E4F1: variants seen among roughly 807,000 people sequenced by gnomAD.
The protein encoded by E4F1 is transcription factor E4F1.
Under a neutral mutation model 72.9 loss-of-function variants are expected in E4F1, and 30 were observed. The observed-to-expected ratio is 0.41, with a 90% CI of 0.31 to 0.56. The LOEUF is 0.56. Ranked by LOEUF, E4F1 falls within the 20% of genes least tolerant of loss-of-function variation. E4F1 has a pLI of 0.25. For missense variants in E4F1, 1,091 were observed against 1,117.5 expected, an observed-to-expected ratio of 0.98 and a Z score of 0.34; for synonymous variants, 542 against 478.2, an observed-to-expected ratio of 1.13 and a Z score of -1.74.
intron 10 of E4F1, 41 bp from the exon 11 acceptor site, chr16:2,234,542 T>G (rs1410301351): frequency 1.3e-6 from 2 of 1,556,818 alleles, no homozygotes; most frequent in Non-Finnish European, 1.7e-6. Flanking sequence ...TGTAGTCTGT[T>G]GTGGCCAAGG....
In E4F1 at chr16:2,232,526, C is replaced by A. The variant is rs1238124455; in HGVS notation, c.680C>A (p.Ala227Asp). ...GACCACGAGTGCAAGCTCTGTGGGG[C>A]CTCCTTCCGCACCAAGGGCTCACTC... ...RKDHECKLCG[A>D]SFRTKGSLIR... Residue 227 changes from alanine to aspartate, a missense_variant, in exon 5 of 14, where the codon GCC becomes GAC. Around this residue, in one of 5 missense-constraint regions of E4F1, gnomAD observed 362 missense variants for 358.6 expected, o/e 1.01. Coordinates refer to ENST00000301727, the MANE Select transcript of E4F1 (RefSeq NM_004424.5). 1 of 1,612,032 alleles carries A rather than the reference C, an allele frequency of 6.2e-7. No homozygotes were observed. The highest frequency in any genetic ancestry group is 8.5e-7 in the Non-Finnish European group (1 of 1,179,590).
intron 2 of E4F1, 21 bp from the exon 3 acceptor site, chr16:2,229,549 G>C: frequency 6.2e-7 from 1 of 1,605,612 alleles, no homozygotes; most frequent in Non-Finnish European, 8.5e-7. Flanking sequence ...CGACTCCCCT[G>C]TTTTCTTCCC....
chr16:2,230,258 G>GC (rs1193723642), intron 3 of E4F1: 1 of 155,168 alleles, frequency 6.4e-6, no homozygotes, highest in Non-Finnish European at 1.4e-5. Flanking sequence ...CTTTTTAAGT[G>GC]AAGATGTCTC....
rs1460152157 is a variant in E4F1, at chr16:2,233,621, G to C, written c.1240G>C (p.Val414Leu). 2 of 1,518,818 alleles carry C rather than the reference G, an allele frequency of 1.3e-6. No individual in the cohort carries two copies. The highest frequency in any genetic ancestry group is 8.8e-7 in the Non-Finnish European group (1 of 1,132,808). 94.1% of individuals were successfully genotyped at this position (1,518,818 alleles called of 1,614,324 possible). ...GGCAGTGGCAGCCCCGCAGCTGCCG[G>C]TACTGGAAGTGCAGCCGCTGGAGAC... ...PLAVAAPQLP[V>L]LEVQPLETQV... Residue 414 changes from valine (V) to leucine (L), a missense_variant, in exon 8 of 14, where the codon GTA (valine) becomes CTA (leucine). Coordinates refer to ENST00000301727, the MANE Select transcript of E4F1 (RefSeq NM_004424.5).
intron 5 of E4F1, 30 bp downstream of exon 5, chr16:2,232,606 C>T (rs371440042): frequency 4.2e-5 from 67 of 1,609,922 alleles, no homozygotes; most frequent in Middle Eastern, 3.5e-4. Context: ...GGCTGGAGCC[C>T]GGTAGCACCC....
chr16:2,223,980 C>A lies in E4F1; in HGVS notation c.157+210C>A, dbSNP rs867053029. On this transcript the variant is annotated intron_variant, in intron 1 of 13. Transcript: ENST00000301727. The stretch of plus-strand genomic sequence containing the variant: ...TCCTGCGGGGCGCCTGTCATCCCCC[C>A]TCTCTGGTGTGCGTCCACAAGTGCT... The A allele has an allele frequency of 9.7e-5, 145 of 1,501,518 alleles. 1 individual carries two copies. In the African/African-American group the frequency reaches 1.4e-3, roughly 15 times the overall value. The allele number at this position is 1,501,518 out of a possible 1,614,324, so 93.0% of individuals were successfully genotyped here. A position where few individuals can be genotyped will look rare whatever the true frequency, so the allele number is the denominator to read the frequency against.
At chr16:2,229,738 G>T in intron 3 of E4F1, 63 bp downstream of exon 3, 2 of 1,551,152 alleles carry the variant, frequency 1.3e-6, no homozygotes, top group South Asian at 2.2e-5. Flanking sequence ...AGAGGATGGG[G>T]CCCCTGCTGC....
At chr16:2,233,746 CTT>C in intron 8 of E4F1, 99 bp downstream of exon 8, 1 of 1,441,344 alleles carries the variant, frequency 6.9e-7, no homozygotes, top group Non-Finnish European at 9.3e-7. Flanking sequence ...TCTGCAGTGA[CTT>C]TGTCCATTGA....
At chr16:2,230,043 C>T (rs2093457844) in intron 3 of E4F1, 1 of 273,504 alleles carries the variant, frequency 3.7e-6, no homozygotes, top group African/African-American at 2.2e-5. Context: ...CAGGCACCCA[C>T]CAGAATGGCC....
chr16:2,225,463 C>T (rs975408465), intron 1 of E4F1, among the ~76,000 whole-genome samples: 2 of 150,702 alleles, frequency 1.3e-5, no homozygotes, highest in East Asian at 2.0e-4. Context: ...AGTAAGACCC[C>T]GTCTCTATTT....
rs766927884 is a variant in E4F1, at chr16:2,232,565, G to A, written c.719G>A (p.Arg240Gln). 6.2e-7 allele frequency: 1 copy of A among 1,612,196 alleles called. No homozygotes were observed. Among genetic ancestry groups the A allele is most frequent in the Non-Finnish European group, 8.5e-7 (1 of 1,179,664 alleles). ...AAGGGCTCACTCATCCGGCACCACC[G>A]GCGGCACACGGGTGAGCTGGCCGCA... ...RTKGSLIRHHRRHTDERPYKC... is the reference protein window; with the variant it reads ...RTKGSLIRHHQRHTDERPYKC... The change falls in exon 5 of 14, where the codon CGG becomes CAG. Residue 240 changes from arginine (R) to glutamine (Q), a missense_variant. Arg to Gln is a conservative substitution (Grantham distance 43, BLOSUM62 1). Transcript: ENST00000301727.
At chr16:2,225,794 A>G (rs2093428082) in intron 1 of E4F1, among the ~76,000 whole-genome samples, 2 of 143,650 alleles carry the variant, frequency 1.4e-5, no homozygotes, top group African/African-American at 5.6e-5. Context: ...TGTTTAGGAA[A>G]AAAAAAAAAA....
chr16:2,233,041 C>G lies in E4F1; in HGVS notation c.914C>G (p.Thr305Arg). The change falls in exon 7 of 14, where the codon ACA becomes AGA. Residue 305 changes from threonine (T) to arginine (R), a missense_variant. Around this residue, in one of 5 missense-constraint regions of E4F1, gnomAD observed 101 missense variants for 97.4 expected, o/e 1.04. Coordinates refer to ENST00000301727, the MANE Select transcript of E4F1 (RefSeq NM_004424.5). The stretch of plus-strand genomic sequence containing the variant: ...GGAGCTGGAGCTGCCGGCTTGGGGA[C>G]AGCCACATCATCGGTGACAGGCGAG... ...GSGAGAAGLG[T>R]ATSSVTGEPI... 1.9e-6 allele frequency: 3 copies of G among 1,609,568 alleles called. No homozygotes were observed. The highest frequency in any genetic ancestry group is 2.5e-6 in the Non-Finnish European group (3 of 1,177,162).
At position 2,225,453 on chromosome 16, in the gene E4F1, A is replaced by C. The variant is rs989290054; in HGVS notation, c.157+1683A>C. 7.3e-5 allele frequency among the ~76,000 whole-genome samples: 11 copies of C among 150,664 alleles called. No homozygotes were observed. The East Asian group carries it at 2.2e-3, about 30-fold the overall frequency. ...AGTTCCAGACCAGCCTGGGCAACAT[A>C]GTAAGACCCCGTCTCTATTTTCTTT... On this transcript the variant is annotated intron_variant, in intron 1 of 13. Transcript: ENST00000301727.
At position 2,229,495 on chromosome 16, in the gene E4F1, G is replaced by A. The variant is rs532973687; in HGVS notation, c.310-75G>A. 76 of 1,488,616 alleles carry A rather than the reference G, an allele frequency of 5.1e-5. 1 individual carries two copies. The highest frequency in any genetic ancestry group is 2.1e-4 in the Admixed American group (12 of 58,526). 92.2% of individuals were successfully genotyped at this position (1,488,616 alleles called of 1,614,324 possible). ...ACACCTCCACAGCTTTACACTGGCAGAGCCCAGGCCTCTTCTCTGAGAACT... is the reference window on the plus strand; with the variant it reads ...ACACCTCCACAGCTTTACACTGGCAAAGCCCAGGCCTCTTCTCTGAGAACT... On this transcript the variant is annotated intron_variant, in intron 2 of 13. Coordinates refer to ENST00000301727, the MANE Select transcript of E4F1 (RefSeq NM_004424.5).
At chr16:2,232,623 T>G (rs1344696948) in intron 5 of E4F1, 47 bp downstream of exon 5, 1 of 1,608,332 alleles carries the variant, frequency 6.2e-7, no homozygotes, top group Non-Finnish European at 8.5e-7. Flanking sequence ...ACCCCGATGG[T>G]TGGCCCTGGG....
At position 2,232,449 on chromosome 16, in the gene E4F1, C is replaced by T. The variant is rs765775917; in HGVS notation, c.610-7C>T. ...AGGGCCCTGAGCTGCCACGCCCTCC[C>T]CCACAGGGCAGCATCCTCAAGGCCC... On this transcript the variant is annotated splice_region_variant and splice_polypyrimidine_tract_variant and intron_variant, in intron 4 of 13. Coordinates refer to ENST00000301727, the MANE Select transcript of E4F1 (RefSeq NM_004424.5). 8 of 1,609,960 alleles carry T rather than the reference C, an allele frequency of 5.0e-6. No individual in the cohort carries two copies. In the African/African-American group the frequency reaches 6.7e-5, roughly 13 times the overall value.
intron 3 of E4F1, 90 bp downstream of exon 3, chr16:2,229,765 C>T: frequency 1.4e-6 from 2 of 1,415,284 alleles, no homozygotes; most frequent in East Asian, 2.3e-5. Flanking sequence ...GCTCGTCTCT[C>T]CCGAGACCAG....
chr16:2,223,961 G>T lies in E4F1; in HGVS notation c.157+191G>T, dbSNP rs931797394. 4.0e-6 allele frequency: 6 copies of T among 1,516,780 alleles called. No individual in the cohort carries two copies. In the South Asian group the frequency reaches 4.9e-5, roughly 12 times the overall value. The allele number at this position is 1,516,780 out of a possible 1,614,324, so 94.0% of individuals were successfully genotyped here. On this transcript the variant is annotated intron_variant, in intron 1 of 13. Coordinates refer to ENST00000301727, the MANE Select transcript of E4F1 (RefSeq NM_004424.5). ...TGCGACCCTCACGGGCCTCTCCTGCGGGGCGCCTGTCATCCCCCCTCTCTG... is the reference window on the plus strand; with the variant it reads ...TGCGACCCTCACGGGCCTCTCCTGCTGGGCGCCTGTCATCCCCCCTCTCTG...
Sources: allele counts gnomAD v4.1 joint callset (sites outside exome capture counted in the v4.1 genomes callset), GRCh38; gene constraint gnomAD v4.1.1; regional missense constraint gnomAD v4.1.1; transcripts MANE v1.5; gene names NCBI Gene and HGNC (gene_info 2026-07-23, HGNC 2026-07-21).